The following FBXL17 variants were observed in gnomAD, a reference collection of about 807,000 sequenced individuals.
The protein encoded by FBXL17 is F-box and leucine rich repeat protein 17, also known as F-box/LRR-repeat protein 17.
A neutral mutation model predicts 66.2 loss-of-function variants in FBXL17; 22 were observed. That is an observed-to-expected ratio of 0.33 (90% CI 0.24 to 0.47). The LOEUF is 0.47. Among genes scored for constraint, FBXL17 ranks in the 20% least tolerant of loss-of-function variants. FBXL17 has a pLI of 1.00. For synonymous variants in FBXL17, 474 were observed against 400.5 expected (o/e 1.18, Z -2.19); for missense variants, 878 against 948.2 (o/e 0.93, Z 0.97).
intron 4 of FBXL17, among the ~76,000 whole-genome samples, chr5:108,294,308 C>T (rs1758256336): frequency 6.8e-6 from 1 of 147,578 alleles, no homozygotes; most frequent in African/African-American, 2.5e-5. Context: ...TATATATACA[C>T]TTACTGACAG....
intron 4 of FBXL17, among the ~76,000 whole-genome samples, chr5:108,345,091 T>A (rs1396116531): frequency 6.6e-6 from 1 of 152,028 alleles, no homozygotes; most frequent in Non-Finnish European, 1.5e-5. Context: ...TCCCAGCACT[T>A]TGGGAGGCCG....
chr5:108,154,923 T>C (rs1227454276), intron 6 of FBXL17, among the ~76,000 whole-genome samples: 2 of 151,580 alleles, frequency 1.3e-5, no homozygotes, highest in Non-Finnish European at 2.9e-5. Flanking sequence ...ATAAATTGAA[T>C]GAACAGATTA....
intron 4 of FBXL17, among the ~76,000 whole-genome samples, chr5:108,236,268 T>G (rs185811063): frequency 6.7e-6 from 1 of 149,570 alleles, no homozygotes; most frequent in African/African-American, 2.5e-5. Context: ...TCCCAGCACT[T>G]TGGAAGGCCA....
intron 4 of FBXL17, among the ~76,000 whole-genome samples, chr5:108,296,388 A>C (rs1043635485): frequency 6.6e-6 from 1 of 151,922 alleles, no homozygotes; most frequent in Middle Eastern, 3.2e-3. Flanking sequence ...TAAAATGCCA[A>C]TTTAGTTTCT....
intron 7 of FBXL17, among the ~76,000 whole-genome samples, chr5:107,934,387 A>G: frequency 6.6e-6 from 1 of 152,186 alleles, no homozygotes; most frequent in South Asian, 2.1e-4. Context: ...AATAGTCAAT[A>G]TGACAGAATA....
chr5:107,916,999 A>T (rs1215450479), intron 7 of FBXL17, among the ~76,000 whole-genome samples: 1 of 152,200 alleles, frequency 6.6e-6, no homozygotes, highest in Non-Finnish European at 1.5e-5. Context: ...AGGATTTCCT[A>T]TTTCATAGCC....
chr5:108,303,067 CAAACATTACAA>C (rs1758665110), intron 4 of FBXL17, among the ~76,000 whole-genome samples: 1 of 151,692 alleles, frequency 6.6e-6, no homozygotes, highest in African/African-American at 2.4e-5. Flanking sequence ...GTGTTCACAA[CAAACATTACAA>C]AATGCTTAAC....
chr5:108,083,797 C>A (rs1199275046), intron 6 of FBXL17, among the ~76,000 whole-genome samples: 3 of 151,732 alleles, frequency 2.0e-5, no homozygotes, highest in Non-Finnish European at 4.4e-5. Flanking sequence ...TAAACATGAC[C>A]AAAAAAACAT....
chr5:108,280,377 A>C (rs951521731), intron 4 of FBXL17, among the ~76,000 whole-genome samples: 1 of 152,162 alleles, frequency 6.6e-6, no homozygotes, highest in Non-Finnish European at 1.5e-5. Context: ...AAGGAAGACA[A>C]AATAAAGTCT....
At chr5:108,271,107 C>T (rs116611420) in intron 4 of FBXL17, among the ~76,000 whole-genome samples, 3,694 of 150,736 alleles carry the variant, frequency 0.025, 145 homozygotes, top group African/African-American at 0.085. Context: ...AAAGAAATAG[C>T]AACAGAAGAG....
rs1748388353 is a variant in FBXL17, at chr5:107,869,747, T to G, written c.1966-7887A>C. 2.0e-5 allele frequency among the ~76,000 whole-genome samples: 3 copies of G among 152,172 alleles called. No individual in the cohort carries two copies. The South Asian group carries it at 6.2e-4, about 32-fold the overall frequency. ...AGGAATCCAGTGCCGCTTTTCAATC[T>G]CTCACCTCTTTCTCTTCAGTGGAGA... On this transcript the variant is annotated intron_variant, in intron 8 of 8. Coordinates refer to ENST00000542267, the MANE Select transcript of FBXL17 (RefSeq NM_001163315.3).
At position 108,072,426 on chromosome 5, in the gene FBXL17, A is replaced by G. The variant is rs371329005; in HGVS notation, c.1746-51425T>C. Among the ~76,000 whole-genome samples the G allele has an allele frequency of 3.1e-4, 47 of 152,312 alleles. No individual in the cohort carries two copies. The South Asian group carries it at 7.0e-3, about 23-fold the overall frequency. ...CAGAAACGTTCCTTAGAAAGTACAG[A>G]AAGAAGCAGGCTCACGCCTGTAATC... On this transcript the variant is annotated intron_variant, in intron 6 of 8. Transcript: ENST00000542267.
intron 4 of FBXL17, among the ~76,000 whole-genome samples, chr5:108,320,996 T>C (rs887180332): frequency 6.6e-6 from 1 of 151,876 alleles, no homozygotes; most frequent in Non-Finnish European, 1.5e-5. Flanking sequence ...CTAGTACACC[T>C]AGGAGAGGTG....
At chr5:107,998,539 T>C (rs544268484) in intron 7 of FBXL17, among the ~76,000 whole-genome samples, 2 of 151,894 alleles carry the variant, frequency 1.3e-5, no homozygotes, top group South Asian at 4.1e-4. Flanking sequence ...AAATTAATTC[T>C]AAATATATAT....
intron 4 of FBXL17, chr5:108,298,603 A>C (rs1758446112): frequency 1.1e-6 from 1 of 945,100 alleles, no homozygotes; most frequent in South Asian, 4.9e-5. Context: ...AAAAAATATA[A>C]ATCTTTTTTT....
chr5:108,208,392 T>C (rs1276313912), intron 5 of FBXL17, among the ~76,000 whole-genome samples: 2 of 152,210 alleles, frequency 1.3e-5, no homozygotes, highest in African/African-American at 4.8e-5. Flanking sequence ...TGCCCATGCC[T>C]ATGCCCTGAA....
At position 108,147,986 on chromosome 5, in the gene FBXL17, C is replaced by T. The variant is rs1436114142; in HGVS notation, c.1745+38131G>A. On this transcript the variant is annotated intron_variant, in intron 6 of 8. Coordinates refer to ENST00000542267, the MANE Select transcript of FBXL17 (RefSeq NM_001163315.3). ...AAACAATAAAAAACAATAATATAGG[C>T]AAAGGAAAAAAACTGAAAAAAGCCT... Among the ~76,000 whole-genome samples the T allele has an allele frequency of 1.7e-4, 26 of 149,882 alleles. 1 individual carries two copies. Among genetic ancestry groups the T allele is most frequent in the Admixed American group, 1.5e-3 (23 of 15,040 alleles).
At chr5:108,210,942 G>C (rs1754343487) in intron 5 of FBXL17, among the ~76,000 whole-genome samples, 1 of 152,140 alleles carries the variant, frequency 6.6e-6, no homozygotes. Flanking sequence ...TTGTGTGGGA[G>C]TCTAAGTCTC....
chr5:107,913,709 A>G (rs1260460296), intron 7 of FBXL17, among the ~76,000 whole-genome samples: 1 of 152,158 alleles, frequency 6.6e-6, no homozygotes, highest in Non-Finnish European at 1.5e-5. Context: ...AACATCTAAG[A>G]ACAGCATTTG....
Sources: allele counts gnomAD v4.1 joint callset (sites outside exome capture counted in the v4.1 genomes callset), GRCh38; gene constraint gnomAD v4.1.1; transcripts MANE v1.5; gene names NCBI Gene and HGNC (gene_info 2026-07-23, HGNC 2026-07-21).